Variants in GLIS3 observed in about 807,000 individuals in gnomAD.
The protein encoded by GLIS3 is zinc finger protein GLIS3.
GLIS3 carries 53 observed loss-of-function variants against 78.6 expected under a neutral mutation model. That is an observed-to-expected ratio of 0.67 (90% confidence interval 0.54 to 0.85). The LOEUF is 0.85. Ranked by LOEUF, GLIS3 falls within the 40% of genes least tolerant of loss-of-function variation. The probability of loss-of-function intolerance (pLI) is 0.00; values close to 1 mark genes in which losing one functional copy is unlikely to be tolerated. For missense variants in GLIS3, 1,703 were observed against 1,231.1 expected (o/e 1.38, Z -5.74); for synonymous variants, 684 against 509.9 (o/e 1.34, Z -4.60).
intron 1 of GLIS3, among the ~76,000 whole-genome samples, chr9:4,290,049 A>C (rs1219600322): frequency 6.6e-6 from 1 of 152,144 alleles, no homozygotes; most frequent in Non-Finnish European, 1.5e-5. Flanking sequence ...AACAAACGAA[A>C]AGCAATGTTA....
intron 2 of GLIS3, among the ~76,000 whole-genome samples, chr9:4,341,260 C>T (rs117222804): frequency 1.4e-3 from 213 of 152,354 alleles, no homozygotes; most frequent in Non-Finnish European, 2.5e-3. Flanking sequence ...TATCTGGCAT[C>T]ACTGGAGCTT....
intron 2 of GLIS3, chr9:4,147,527 T>A (rs1395476625): frequency 6.6e-6 from 1 of 152,292 alleles, no homozygotes; most frequent in Non-Finnish European, 1.5e-5. Context: ...GTACTTGGCA[T>A]ACATTTCCAG....
chr9:3,937,247 G>C, intron 4 of GLIS3, 58 bp from the exon 5 acceptor site: 1 of 1,584,638 alleles, frequency 6.3e-7, no homozygotes, highest in Non-Finnish European at 8.7e-7. Flanking sequence ...TTGAGTCTGG[G>C]GGACAGCTAA....
At chr9:3,903,486 C>A (rs1055657203) in intron 6 of GLIS3, among the ~76,000 whole-genome samples, 1 of 152,210 alleles carries the variant, frequency 6.6e-6, no homozygotes, top group Non-Finnish European at 1.5e-5. Flanking sequence ...ACATTGTAAT[C>A]TATGTGAACG....
chr9:4,359,228 G>T, the GLIS3 span, among the ~76,000 whole-genome samples: 3 of 151,878 alleles, frequency 2.0e-5, no homozygotes, highest in African/African-American at 7.3e-5. Flanking sequence ...ATGAGCGCGT[G>T]TGAATCTCCC....
At chr9:3,958,100 G>C (rs1286201650) in intron 4 of GLIS3, among the ~76,000 whole-genome samples, 2 of 152,146 alleles carry the variant, frequency 1.3e-5, no homozygotes. Flanking sequence ...TTTCAACATT[G>C]CCTTCCACTC....
chr9:4,318,834 A>G (rs1817477672), intron 2 of GLIS3, among the ~76,000 whole-genome samples: 1 of 152,160 alleles, frequency 6.6e-6, no homozygotes, highest in Admixed American at 6.5e-5. Flanking sequence ...GAGCCTCAAA[A>G]TATCTCCCCA....
chr9:4,236,664 G>T (rs1011358400), intron 2 of GLIS3, among the ~76,000 whole-genome samples: 3 of 152,112 alleles, frequency 2.0e-5, no homozygotes, highest in Non-Finnish European at 4.4e-5. Flanking sequence ...CAATGACAAG[G>T]TTCCCACAGT....
chr9:4,321,637 G>A (rs950053507), intron 2 of GLIS3, among the ~76,000 whole-genome samples: 3 of 114,916 alleles, frequency 2.6e-5, no homozygotes, highest in Non-Finnish European at 4.8e-5. Flanking sequence ...ATGTCTCTTT[G>A]TGAACCTCCC....
At chr9:4,121,367 C>T (rs1231444044) in intron 3 of GLIS3, among the ~76,000 whole-genome samples, 2 of 152,154 alleles carry the variant, frequency 1.3e-5, no homozygotes, top group South Asian at 2.1e-4. Context: ...AGTCTTTTAA[C>T]AGAAGGGATC....
At chr9:3,948,089 A>G (rs542261073) in intron 4 of GLIS3, among the ~76,000 whole-genome samples, 29 of 152,196 alleles carry the variant, frequency 1.9e-4, no homozygotes, top group Non-Finnish European at 3.5e-4. Context: ...AGGATTGACA[A>G]TCTTTTGTGA....
intron 1 of GLIS3, among the ~76,000 whole-genome samples, chr9:4,296,856 G>A (rs1472440414): frequency 7.1e-6 from 1 of 140,410 alleles, no homozygotes; most frequent in Non-Finnish European, 1.5e-5. Context: ...AATGAAAACT[G>A]CAGTACGGTT....
At chr9:4,263,764 T>A (rs941319368) in intron 2 of GLIS3, among the ~76,000 whole-genome samples, 1 of 152,192 alleles carries the variant, frequency 6.6e-6, no homozygotes, top group African/African-American at 2.4e-5. Context: ...TCTGGCCTAG[T>A]TGATCACTCC....
intron 2 of GLIS3, among the ~76,000 whole-genome samples, chr9:4,264,300 C>G (rs1825790468): frequency 6.6e-6 from 1 of 152,140 alleles, no homozygotes; most frequent in African/African-American, 2.4e-5. Flanking sequence ...TGAATCTAAA[C>G]CCACCACCAC....
intron 4 of GLIS3, among the ~76,000 whole-genome samples, chr9:4,096,744 G>C (rs925631160): frequency 6.6e-6 from 1 of 152,202 alleles, no homozygotes; most frequent in Non-Finnish European, 1.5e-5. Context: ...AGACATGGTG[G>C]CTCAAGCCTG....
intron 4 of GLIS3, among the ~76,000 whole-genome samples, chr9:4,306,599 A>T (rs1204950067): frequency 1.3e-5 from 2 of 152,208 alleles, no homozygotes; most frequent in Non-Finnish European, 2.9e-5. Context: ...GATTTTTCTC[A>T]TTCCTAGATA....
intron 4 of GLIS3, among the ~76,000 whole-genome samples, chr9:3,946,774 T>A (rs1816322701): frequency 6.6e-6 from 1 of 152,218 alleles, no homozygotes; most frequent in Non-Finnish European, 1.5e-5. Flanking sequence ...TCAAGGCACA[T>A]AAATGTGTGC....
At chr9:4,009,313 T>C (rs989043448) in intron 4 of GLIS3, among the ~76,000 whole-genome samples, 2 of 152,138 alleles carry the variant, frequency 1.3e-5, no homozygotes, top group African/African-American at 2.4e-5. Flanking sequence ...ATGCTTATTG[T>C]TTATTGTGAC....
At chr9:3,917,496 G>A (rs1320087322) in intron 6 of GLIS3, among the ~76,000 whole-genome samples, 5 of 152,066 alleles carry the variant, frequency 3.3e-5, no homozygotes, top group African/African-American at 1.2e-4. Context: ...CTGATGAGAT[G>A]GAACATAATA....
Sources: allele counts gnomAD v4.1 joint callset (sites outside exome capture counted in the v4.1 genomes callset), GRCh38; gene constraint gnomAD v4.1.1; transcripts MANE v1.5; gene names NCBI Gene and HGNC (gene_info 2026-07-23, HGNC 2026-07-21).